CALN1: variants seen among roughly 807,000 people sequenced by gnomAD.
CALN1 encodes the protein calneuron 1, also known as calcium-binding protein 8.
Under a neutral mutation model 30.6 loss-of-function variants are expected in CALN1, and 17 were observed. The observed-to-expected ratio is 0.56, with a 90% CI of 0.38 to 0.83. CALN1 has a LOEUF of 0.83. CALN1 is among the 40% of genes least tolerant of loss of function. The probability of loss-of-function intolerance (pLI) is 0.00; values close to 1 mark genes in which losing one functional copy is unlikely to be tolerated. For missense variants in CALN1, 291 were observed against 354.9 expected (o/e 0.82, Z 1.45); for synonymous variants, 156 against 131.4 (o/e 1.19, Z -1.28).
chr7:72,405,158 A>G (rs949783564), intron 1 of CALN1, among the ~76,000 whole-genome samples: 6 of 152,190 alleles, frequency 3.9e-5, no homozygotes, highest in Non-Finnish European at 8.8e-5. Context: ...TTGGGCCGGC[A>G]CTTCCCAAGG....
intron 4 of CALN1, among the ~76,000 whole-genome samples, chr7:72,094,400 G>A (rs559646681): frequency 4.6e-5 from 7 of 152,142 alleles, no homozygotes; most frequent in Admixed American, 2.0e-4. Flanking sequence ...GAATACAGGC[G>A]CACACCACAA....
intron 5 of CALN1, among the ~76,000 whole-genome samples, chr7:71,862,536 A>G (rs2116672908): frequency 6.6e-6 from 1 of 152,310 alleles, no homozygotes. Context: ...AGGCCTCCCC[A>G]GCCATGTGGA....
At chr7:72,475,838 C>T in the CALN1 span, among the ~76,000 whole-genome samples, 3 of 150,046 alleles carry the variant, frequency 2.0e-5, no homozygotes, top group East Asian at 2.0e-4. Flanking sequence ...AGGGGCCGGT[C>T]TTTCTTGTGC....
At chr7:72,127,714 T>G (rs1563081189) in intron 3 of CALN1, among the ~76,000 whole-genome samples, 1 of 152,222 alleles carries the variant, frequency 6.6e-6, no homozygotes, top group East Asian at 1.9e-4. Flanking sequence ...TTTGATGATG[T>G]GCCTGGTATG....
the CALN1 span, among the ~76,000 whole-genome samples, chr7:72,491,222 G>A: frequency 3.5e-4 from 48 of 136,828 alleles, no homozygotes; most frequent in Admixed American, 1.4e-3. Context: ...GCGAGACTCC[G>A]TCTCAAAAAA....
chr7:72,455,762 G>C, the CALN1 span, among the ~76,000 whole-genome samples: 1 of 152,094 alleles, frequency 6.6e-6, no homozygotes, highest in African/African-American at 2.4e-5. Context: ...AGATTCCCAG[G>C]CTCCAAGCAA....
chr7:72,427,989 C>T (rs1562965021), intron 1 of CALN1, among the ~76,000 whole-genome samples: 1 of 152,124 alleles, frequency 6.6e-6, no homozygotes, highest in Admixed American at 6.6e-5. Flanking sequence ...CCTGATATTC[C>T]GTCCAGGGTG....
At chr7:71,863,638 A>T (rs1791430175) in intron 5 of CALN1, among the ~76,000 whole-genome samples, 1 of 151,900 alleles carries the variant, frequency 6.6e-6, no homozygotes, top group African/African-American at 2.4e-5. Flanking sequence ...GCTTGATGCC[A>T]TAGAAAACAC....
At position 72,054,418 on chromosome 7, in the gene CALN1, C is replaced by CACGTATATATATATACATATATATATAT. The variant is rs1563015234; in HGVS notation, c.389-30650_389-30649insATATATATATATGTATATATATATACGT. Among the ~76,000 whole-genome samples, 32 of 36,840 alleles carry CACGTATATATATATACATATATATATAT rather than the reference C, an allele frequency of 8.7e-4. 2 individuals are homozygous for CACGTATATATATATACATATATATATAT. In the South Asian group the frequency reaches 0.011, roughly 12 times the overall value. The allele number at this position is 36,840 out of a possible 152,430, so 24.2% of individuals were successfully genotyped here. A position where few individuals can be genotyped will look rare whatever the true frequency, so the allele number is the denominator to read the frequency against. On this transcript the variant is annotated intron_variant, in intron 4 of 6. Coordinates refer to ENST00000395275, the MANE Select transcript of CALN1 (RefSeq NM_031468.4). ...ATATATGTACATATATATATATATA[C>CACGTATATATATATACATATATATATAT]GTGTATATATACACGTATATATATA...
intron 3 of CALN1, among the ~76,000 whole-genome samples, chr7:72,216,778 G>C (rs539054913): frequency 1.3e-5 from 2 of 152,162 alleles, no homozygotes; most frequent in South Asian, 4.1e-4. Flanking sequence ...GGGAGACAGG[G>C]TCTTGCTCTG....
Position 72,347,901 on chromosome 7 carries a change from G to T in CALN1, c.119+55350C>A, listed in dbSNP as rs139148083. On this transcript the variant is annotated intron_variant, in intron 2 of 6. Transcript: ENST00000395275. ...CCCAGCACTTTGGGAGGCTGAGGAG[G>T]GTGGATCACTTGAGAGGTCAGGAGT... Among the ~76,000 whole-genome samples the T allele has an allele frequency of 6.8e-3, 1,042 of 152,170 alleles. 14 individuals are homozygous for T. Among genetic ancestry groups the T allele is most frequent in the African/African-American group, 0.024 (999 of 41,524 alleles).
chr7:71,854,377 G>T, intron 5 of CALN1, among the ~76,000 whole-genome samples: 1 of 150,510 alleles, frequency 6.6e-6, no homozygotes. Flanking sequence ...GACAGACAGA[G>T]AAAGAAAGAA....
the CALN1 span, among the ~76,000 whole-genome samples, chr7:72,468,883 T>G: frequency 4.6e-5 from 7 of 152,220 alleles, no homozygotes; most frequent in Non-Finnish European, 1.0e-4. Flanking sequence ...GTTCAAATCC[T>G]TTGCCCATTT....
the CALN1 span, among the ~76,000 whole-genome samples, chr7:72,467,776 A>G: frequency 1.3e-5 from 2 of 152,220 alleles, no homozygotes; most frequent in African/African-American, 4.8e-5. Context: ...ACCATCTTAA[A>G]GTGAATAACT....
At chr7:72,165,302 T>A (rs1788442634) in intron 3 of CALN1, among the ~76,000 whole-genome samples, 4 of 152,148 alleles carry the variant, frequency 2.6e-5, no homozygotes. Context: ...CTGGCTTCTG[T>A]AATCTCAGCA....
chr7:72,406,491 A>G (rs1355315042), intron 1 of CALN1, among the ~76,000 whole-genome samples: 2 of 152,084 alleles, frequency 1.3e-5, no homozygotes, highest in East Asian at 3.9e-4. Context: ...TCTAAAGTCC[A>G]TTTGCTAATT....
chr7:72,194,369 A>G (rs931962828), intron 3 of CALN1, among the ~76,000 whole-genome samples: 2 of 152,008 alleles, frequency 1.3e-5, no homozygotes, highest in African/African-American at 4.8e-5. Flanking sequence ...TGTGTCTACT[A>G]AAAATACAAA....
intron 4 of CALN1, among the ~76,000 whole-genome samples, chr7:72,063,211 A>C (rs1461385173): frequency 1.3e-5 from 2 of 152,176 alleles, no homozygotes; most frequent in Non-Finnish European, 2.9e-5. Flanking sequence ...AATTCACAGA[A>C]CGGTACACCC....
At chr7:72,119,523 A>C (rs1563074770) in intron 3 of CALN1, among the ~76,000 whole-genome samples, 1 of 151,970 alleles carries the variant, frequency 6.6e-6, no homozygotes, top group Non-Finnish European at 1.5e-5. Context: ...AAAGGAAAAA[A>C]AAAAACCAGA....
Sources: gnomAD v4.1 joint callset for allele counts (sites outside exome capture counted in the v4.1 genomes callset) on GRCh38, gnomAD v4.1.1 for gene constraint, MANE v1.5 for transcripts, NCBI Gene and HGNC (gene_info 2026-07-23, HGNC 2026-07-21) for gene names.